CTSA: variants seen among roughly 807,000 people sequenced by gnomAD.
CTSA encodes the protein lysosomal protective protein.
CTSA carries 42 observed loss-of-function variants against 66.7 expected under a neutral mutation model. The observed-to-expected ratio is 0.63, with a 90% CI of 0.49 to 0.81. The LOEUF is 0.81. Ranked by LOEUF, CTSA falls within the 40% of genes least tolerant of loss-of-function variation. CTSA has a pLI of 0.00. For synonymous variants in CTSA, 225 were observed against 248.6 expected (o/e 0.91, Z 0.89); for missense variants, 525 against 610.9 (o/e 0.86, Z 1.48).
chr20:45,895,179 G>T, intron 11 of CTSA, 46 bp downstream of exon 11: 1 of 1,612,616 alleles, frequency 6.2e-7, no homozygotes, highest in Non-Finnish European at 8.5e-7. Context: ...GGGTTGCTGG[G>T]GCTTGTGGGC....
At position 45,891,575 on chromosome 20, in the gene CTSA, C is replaced by T; in HGVS notation, c.7C>T (p.Arg3Ter). MI[R>*]AAPPPLFLLL... is the part of the protein sequence containing the mutation. ...CCTCTGCTGCCTCCCGTAGATGATC[C>T]GAGCCGCGCCGCCGCCGCTGTTCCT... The change falls in exon 2 of 15, where the codon CGA (arginine) becomes TGA (stop). Residue 3 changes from arginine (R) to a stop codon, truncating the protein, a stop_gained. Transcript: ENST00000646241. LOFTEE classifies it high-confidence loss of function. The surrounding 1 kb of genome is among the most constrained non-coding windows in gnomAD (Gnocchi z 4.6). 2 of 1,598,918 alleles carry T rather than the reference C, an allele frequency of 1.3e-6. No homozygotes were observed. Among genetic ancestry groups the T allele is most frequent in the Non-Finnish European group, 1.7e-6 (2 of 1,177,552 alleles).
In CTSA at chr20:45,891,425, G is replaced by T; in HGVS notation, c.-1+46G>T. On this transcript the variant is annotated intron_variant, in intron 1 of 14. Transcript: ENST00000646241. The surrounding 1 kb of genome is among the most constrained non-coding windows in gnomAD (Gnocchi z 4.6). ...GGAGGGGATCCCCGAGCCCGGGATC[G>T]GTGCGCGGCAGAGGAGGCTCGCGGG... The T allele has an allele frequency of 6.4e-7, 1 of 1,551,422 alleles. No homozygotes were observed. Among genetic ancestry groups the T allele is most frequent in the Non-Finnish European group, 8.7e-7 (1 of 1,148,034 alleles).
Position 45,891,969 on chromosome 20 carries a change from AT to A in CTSA, c.249del (p.Asn83LysfsTer9), listed in dbSNP as rs891033388. ...AACAGCCCTGTGGTGCTTTGGCTCA[AT>A]GGGGGTCCCGGCTGCAGCTCACTAG... ...PENSPVVLWL[N>X]GGPGCSSLDG... On this transcript the variant is annotated frameshift_variant, in exon 3 of 15. Transcript: ENST00000646241. LOFTEE classifies it high-confidence loss of function. This position sits in a 1 kb window ranked among gnomAD's most constrained non-coding sequence, Gnocchi z 4.6. 6.2e-7 allele frequency: 1 copy of A among 1,614,016 alleles called. No individual in the cohort carries two copies. The highest frequency in any genetic ancestry group is 1.3e-5 in the African/African-American group (1 of 74,932).
intron 12 of CTSA, chr20:45,897,348 T>C (rs1009674392): frequency 7.9e-6 from 4 of 508,750 alleles, no homozygotes; most frequent in Non-Finnish European, 1.4e-5. Flanking sequence ...CAAGGTGATA[T>C]AGGAAGCACT....
chr20:45,895,487 A>G (rs940585468), intron 11 of CTSA, among the ~76,000 whole-genome samples: 3 of 151,348 alleles, frequency 2.0e-5, no homozygotes, highest in African/African-American at 7.3e-5. Context: ...AAGTTTTTGT[A>G]TTTTTTGTAC....
chr20:45,896,497 A>G lies in CTSA; in HGVS notation c.1089-468A>G, dbSNP rs1601146385. 3 of 228,590 alleles carry G rather than the reference A, an allele frequency of 1.3e-5. No homozygotes were observed. The Admixed American group carries it at 1.6e-4, about 12-fold the overall frequency. The allele number at this position is 228,590 out of a possible 1,614,324, so 14.2% of individuals were successfully genotyped here. On this transcript the variant is annotated intron_variant, in intron 11 of 14. Coordinates refer to ENST00000646241, the MANE Select transcript of CTSA (RefSeq NM_000308.4). ...ACTCAGGCTGGAGTGCAGTGCTGCG[A>G]TCTTGGCTCACTGCAACCTCCGCCT...
rs1986994529 is a variant in CTSA, at chr20:45,892,202, C to A, written c.307-71C>A. 4.5e-6 allele frequency: 7 copies of A among 1,542,764 alleles called. No homozygotes were observed. The East Asian group carries it at 1.6e-4, about 35-fold the overall frequency. On this transcript the variant is annotated intron_variant, in intron 3 of 14. Transcript: ENST00000646241. ...GAGGTTTTACCCACATGTAAAGTGC[C>A]TCTCATGGTGGCCCTTTCCCTCCAC...
chr20:45,896,228 C>T (rs2083103978), intron 11 of CTSA, among the ~76,000 whole-genome samples: 1 of 148,526 alleles, frequency 6.7e-6, no homozygotes. Context: ...ACTTCCATGT[C>T]CAGTCTCCTG....
At chr20:45,897,317 AG>A in intron 12 of CTSA, 1 of 537,076 alleles carries the variant, frequency 1.9e-6, no homozygotes, top group Non-Finnish European at 3.3e-6. Context: ...GCAGAGGTCC[AG>A]GGTGGGAGGA....
In CTSA at chr20:45,896,648, A is replaced by G. The variant is rs148213599; in HGVS notation, c.1089-317A>G. 6.9e-3 allele frequency: 2,501 copies of G among 364,520 alleles called. 46 individuals are homozygous for G. Among genetic ancestry groups the G allele is most frequent in the African/African-American group, 0.048 (2,284 of 47,650 alleles). The allele number at this position is 364,520 out of a possible 1,614,324, so 22.6% of individuals were successfully genotyped here. A position where few individuals can be genotyped will look rare whatever the true frequency, so the allele number is the denominator to read the frequency against. ...GAGACGGGGTTTCACCATGTTGGTC[A>G]GGCTGGTCTCGAACTCCTGACCTCG... On this transcript the variant is annotated intron_variant, in intron 11 of 14. Transcript: ENST00000646241.
At chr20:45,897,548 T>G in intron 12 of CTSA, 169 bp from the exon 13 acceptor site, 1 of 630,802 alleles carries the variant, frequency 1.6e-6, no homozygotes, top group South Asian at 1.8e-5. Flanking sequence ...AGATAAAACA[T>G]TTAGTAGAAT....
At chr20:45,893,484 T>TTA in intron 7 of CTSA, 173 bp downstream of exon 7, 5 of 546,566 alleles carry the variant, frequency 9.1e-6, no homozygotes, top group East Asian at 3.0e-5. Context: ...TTTTCTTTCT[T>TTA]TCTTTTTTTT....
rs1876798992 is a variant in CTSA at position 45,898,166 on chromosome 20, C to T, written c.1359+57C>T. On this transcript the variant is annotated intron_variant, in intron 14 of 14. Coordinates refer to ENST00000646241, the MANE Select transcript of CTSA (RefSeq NM_000308.4). This position sits in a 1 kb window ranked among gnomAD's most constrained non-coding sequence, Gnocchi z 4.6. Reference sequence around the variant, plus strand: ...GCCGGAGGCAAAGGAGCAGGACCCACCCGTCCTTTCCCTCTGGCTGCCTTT... The same window carrying T: ...GCCGGAGGCAAAGGAGCAGGACCCATCCGTCCTTTCCCTCTGGCTGCCTTT... 6.4e-7 allele frequency: 1 copy of T among 1,551,516 alleles called. No individual in the cohort carries two copies. Among genetic ancestry groups the T allele is most frequent in the Admixed American group, 1.7e-5 (1 of 58,736 alleles).
In CTSA at chr20:45,898,790, A is replaced by G; in HGVS notation, c.*340A>G. The G allele has an allele frequency of 1.1e-6, 1 of 902,868 alleles. No homozygotes were observed. The highest frequency in any genetic ancestry group is 1.7e-5 in the South Asian group (1 of 58,944). 55.9% of individuals were successfully genotyped at this position (902,868 alleles called of 1,614,324 possible). ...TGGACGGACTGTAATTGATAGATTG[A>G]TTATGGAATTAAATTGGGTACAGCT... On this transcript the variant is annotated 3_prime_UTR_variant, in exon 15 of 15. Coordinates refer to ENST00000646241, the MANE Select transcript of CTSA (RefSeq NM_000308.4). The surrounding 1 kb of genome is among the most constrained non-coding windows in gnomAD (Gnocchi z 4.6).
At chr20:45,897,467 G>A in intron 12 of CTSA, 2 of 520,446 alleles carry the variant, frequency 3.8e-6, no homozygotes, top group South Asian at 2.0e-5. Flanking sequence ...ATAATCTTGG[G>A]CAAATTTCTT....
intron 7 of CTSA, 151 bp downstream of exon 7, chr20:45,893,462 A>C: frequency 3.0e-6 from 2 of 661,540 alleles, no homozygotes; most frequent in Non-Finnish European, 2.7e-6. Flanking sequence ...AGGCCAAAGA[A>C]TAGAGATCAG....
In CTSA at chr20:45,893,979, C is replaced by G; in HGVS notation, c.693-9C>G. The stretch of plus-strand genomic sequence containing the variant: ...CAGCTGATGCGCTTTTCACTCTCAT[C>G]TCCTACAGGCTTTGGTCTTCTCTCC... On this transcript the variant is annotated splice_polypyrimidine_tract_variant and intron_variant, in intron 7 of 14. Transcript: ENST00000646241. The G allele has an allele frequency of 6.3e-7, 1 of 1,584,870 alleles. No individual in the cohort carries two copies.
At position 45,898,626 on chromosome 20, in the gene CTSA, G is replaced by A; in HGVS notation, c.*176G>A. 1.4e-6 allele frequency: 1 copy of A among 738,726 alleles called. No homozygotes were observed. Among genetic ancestry groups the A allele is most frequent in the Non-Finnish European group, 2.4e-6 (1 of 425,518 alleles). 45.8% of individuals were successfully genotyped at this position (738,726 alleles called of 1,614,324 possible). ...CAGGGTCTCCCATAGACAGCCTGGGGGCAAGTTAGCACTTTATTCCCGCAG... is the reference window on the plus strand; with the variant it reads ...CAGGGTCTCCCATAGACAGCCTGGGAGCAAGTTAGCACTTTATTCCCGCAG... On this transcript the variant is annotated 3_prime_UTR_variant, in exon 15 of 15. Coordinates refer to ENST00000646241, the MANE Select transcript of CTSA (RefSeq NM_000308.4). The surrounding 1 kb of genome is among the most constrained non-coding windows in gnomAD (Gnocchi z 4.6).
chr20:45,896,070 C>G (rs2083102075), intron 11 of CTSA, among the ~76,000 whole-genome samples: 1 of 152,136 alleles, frequency 6.6e-6, no homozygotes, highest in African/African-American at 2.4e-5. Flanking sequence ...TGTTGGGCAC[C>G]TGTAATCCCA....
Sources: gnomAD v4.1 joint callset for allele counts (sites outside exome capture counted in the v4.1 genomes callset) on GRCh38, gnomAD v4.1.1 for gene constraint, Gnocchi (gnomAD v3.1) non-coding constraint, MANE v1.5 for transcripts, NCBI Gene and HGNC (gene_info 2026-07-23, HGNC 2026-07-21) for gene names.